MORC3: variants seen among roughly 807,000 people sequenced by gnomAD.
MORC3 encodes MORC family CW-type zinc finger 3, also known as MORC family CW-type zinc finger protein 3.
MORC3 carries 31 observed loss-of-function variants against 109.1 expected under a neutral mutation model. That is an observed-to-expected ratio of 0.28 (90% CI 0.21 to 0.38). The LOEUF (loss-of-function observed/expected upper bound fraction) is 0.38. Among genes scored for constraint, MORC3 ranks in the 10% least tolerant of loss-of-function variants. The pLI, the probability that MORC3 is intolerant of heterozygous loss-of-function variation, is 1.00. For missense variants in MORC3, 867 were observed against 1,135.8 expected, an observed-to-expected ratio of 0.76 and a Z score of 3.40; for synonymous variants, 395 against 380.7, an observed-to-expected ratio of 1.04 and a Z score of -0.44.
intron 1 of MORC3, among the ~76,000 whole-genome samples, chr21:36,331,426 G>A (rs1262593960): frequency 2.0e-5 from 3 of 151,600 alleles, no homozygotes; most frequent in African/African-American, 4.9e-5. Context: ...GTGAAACCCC[G>A]TCTCTACTAA....
chr21:36,369,976 C>T lies in MORC3; in HGVS notation c.2508+100C>T, dbSNP rs372060304. 5.7e-5 allele frequency: 80 copies of T among 1,412,826 alleles called. No individual in the cohort carries two copies. In the East Asian group the frequency reaches 8.9e-4, roughly 16 times the overall value. 87.5% of individuals were successfully genotyped at this position (1,412,826 alleles called of 1,614,324 possible). On this transcript the variant is annotated intron_variant, in intron 15 of 16. Transcript: ENST00000400485. ...GCGCGGTGGCTCATACCTGTAATCC[C>T]ACCACTTGGGGAGGCCAAGGCGGGT...
chr21:36,367,632 C>T (rs2085796090), intron 14 of MORC3, among the ~76,000 whole-genome samples: 1 of 152,146 alleles, frequency 6.6e-6, no homozygotes, highest in Middle Eastern at 3.2e-3. Flanking sequence ...AACATAGCTG[C>T]CTTCCAGAAT....
At chr21:36,326,110 G>A (rs2085245160) in intron 1 of MORC3, among the ~76,000 whole-genome samples, 1 of 152,122 alleles carries the variant, frequency 6.6e-6, no homozygotes, top group Admixed American at 6.6e-5. Context: ...GGGAGGCTGA[G>A]GCGGGAGAAT....
chr21:36,374,158 C>T (rs932228958), intron 16 of MORC3, among the ~76,000 whole-genome samples: 7 of 152,160 alleles, frequency 4.6e-5, no homozygotes, highest in Admixed American at 6.5e-5. Flanking sequence ...TGCATAATCT[C>T]GGCTCACTGC....
At chr21:36,353,684 A>G (rs568600954) in intron 9 of MORC3, among the ~76,000 whole-genome samples, 8 of 149,768 alleles carry the variant, frequency 5.3e-5, no homozygotes, top group South Asian at 2.1e-4. Flanking sequence ...GGTTCAAGCA[A>G]TTCTCCCTAT....
chr21:36,349,269 A>C (rs1348665511), intron 8 of MORC3, 42 bp from the exon 9 acceptor site: 2 of 1,329,046 alleles, frequency 1.5e-6, no homozygotes, highest in Non-Finnish European at 2.1e-6. Context: ...TTTGAGCATC[A>C]TGTCTTATGC....
chr21:36,369,115 A>G lies in MORC3; in HGVS notation c.1747A>G (p.Asn583Asp), dbSNP rs185691798. The G allele has an allele frequency of 3.2e-5, 52 of 1,614,114 alleles. No individual in the cohort carries two copies. In the Admixed American group the frequency reaches 8.2e-4, roughly 25 times the overall value. The change falls in exon 15 of 17, where the codon AAC (asparagine) becomes GAC (aspartate). Residue 583 changes from asparagine to aspartate, a missense_variant. By Grantham distance (23) the Asn-to-Asp change is conservative. This residue lies in a region of MORC3 where 486 missense variants were observed against 502.1 expected (regional missense o/e 0.97). Coordinates refer to ENST00000400485, the MANE Select transcript of MORC3 (RefSeq NM_015358.3). Reference protein sequence around the residue: ...DDEDVIILEENSTPKPAVDHD... With the variant: ...DDEDVIILEEDSTPKPAVDHD... Reference sequence around the variant, plus strand: ...TGAAGATGTCATCATCTTAGAAGAAAACAGTACCCCCAAACCTGCAGTAGA... The same window carrying G: ...TGAAGATGTCATCATCTTAGAAGAAGACAGTACCCCCAAACCTGCAGTAGA...
chr21:36,373,288 C>T lies in MORC3; in HGVS notation c.2666+757C>T, dbSNP rs1420632561. ...CTAGGAGGTGGAGGTTGCAGTGAGC[C>T]GAGATTGCGCCACTGCACTCCAGCC... is the stretch of plus-strand genomic sequence containing the variant. On this transcript the variant is annotated intron_variant, in intron 16 of 16. Transcript: ENST00000400485. Among the ~76,000 whole-genome samples the T allele has an allele frequency of 2.6e-5, 4 of 151,474 alleles. No individual in the cohort carries two copies. In the East Asian group the frequency reaches 5.8e-4, roughly 22 times the overall value.
intron 1 of MORC3, chr21:36,320,752 C>G (rs145202610): frequency 6.0e-6 from 1 of 166,300 alleles, no homozygotes; most frequent in African/African-American, 2.4e-5. Flanking sequence ...TGCGGGCCTG[C>G]CTGCGGGCGA....
At chr21:36,368,469 T>C (rs2085805887) in intron 14 of MORC3, among the ~76,000 whole-genome samples, 1 of 152,214 alleles carries the variant, frequency 6.6e-6, no homozygotes, top group South Asian at 2.1e-4. Flanking sequence ...GAGATCTCAA[T>C]AGTCCATCGT....
At chr21:36,363,560 T>G (rs917818513) in intron 13 of MORC3, among the ~76,000 whole-genome samples, 1 of 152,258 alleles carries the variant, frequency 6.6e-6, no homozygotes, top group South Asian at 2.1e-4. Context: ...TGACAGTCTG[T>G]TTTATCATAA....
chr21:36,356,688 C>G lies in MORC3; in HGVS notation c.1172C>G (p.Thr391Arg). Residue 391 changes from threonine to arginine, a missense_variant, in exon 10 of 17, where the codon ACA becomes AGA. Transcript: ENST00000400485. ...YWNEMKVKKNTEYPLNLPVED... is the reference protein window; with the variant it reads ...YWNEMKVKKNREYPLNLPVED... ...AATGAAATGAAAGTGAAGAAAAATA[C>G]AGAATATCCTCTAAATTTGCCAGTT... 1 of 1,599,998 alleles carries G rather than the reference C, an allele frequency of 6.3e-7. No individual in the cohort carries two copies. Among genetic ancestry groups the G allele is most frequent in the South Asian group, 1.1e-5 (1 of 88,566 alleles).
chr21:36,358,135 C>T, intron 10 of MORC3, among the ~76,000 whole-genome samples: 1 of 152,014 alleles, frequency 6.6e-6, no homozygotes, highest in Non-Finnish European at 1.5e-5. Context: ...AATCCCAGCA[C>T]TTTGGGAGGC....
chr21:36,345,492 G>T (rs1008465307), intron 8 of MORC3, among the ~76,000 whole-genome samples: 2 of 151,854 alleles, frequency 1.3e-5, no homozygotes, highest in Non-Finnish European at 2.9e-5. Flanking sequence ...CGATATCTCG[G>T]CTCACTGCAG....
chr21:36,375,162 C>T lies in MORC3; in HGVS notation c.2686C>T (p.Arg896Ter). ...TTGCAGCCTCAAACTCCGATCTCTT[C>T]GAGTTAACGTAGGACAACTGCTGGC... ...DGESLKLRSL[R>*]VNVGQLLAMI... Residue 896 changes from arginine to a stop codon, truncating the protein, a stop_gained, in exon 17 of 17, where the codon CGA (arginine) becomes TGA (stop). Transcript: ENST00000400485. LOFTEE classifies it high-confidence loss of function. 2 of 1,612,884 alleles carry T rather than the reference C, an allele frequency of 1.2e-6. No individual in the cohort carries two copies. The highest frequency in any genetic ancestry group is 1.7e-6 in the Non-Finnish European group (2 of 1,179,642).
chr21:36,364,200 T>C lies in MORC3; in HGVS notation c.1560T>C (p.Tyr520=), dbSNP rs754662020. 15 of 1,614,062 alleles carry C rather than the reference T, an allele frequency of 9.3e-6. No homozygotes were observed. Among genetic ancestry groups the C allele is most frequent in the African/African-American group, 1.3e-5 (1 of 74,926 alleles). The change falls in exon 14 of 17, where the codon TAT becomes TAC. Residue 520 remains tyrosine (Y), a synonymous_variant. Transcript: ENST00000400485. ...RRHLSEGTNS[Y]ATRLLNNHQV... is the part of the protein sequence containing the mutation. ...ATCTTTCAGAAGGAACAAATTCTTATGCGACAAGACTTCTAAATAATCATC... is the reference window on the plus strand; with the variant it reads ...ATCTTTCAGAAGGAACAAATTCTTACGCGACAAGACTTCTAAATAATCATC...
chr21:36,367,731 A>G (rs2085798064), intron 14 of MORC3, among the ~76,000 whole-genome samples: 1 of 152,182 alleles, frequency 6.6e-6, no homozygotes, highest in Non-Finnish European at 1.5e-5. Flanking sequence ...GGATCATGAC[A>G]TTTTTTTAAC....
chr21:36,362,456 T>G (rs1436267891), intron 13 of MORC3, among the ~76,000 whole-genome samples: 1 of 151,860 alleles, frequency 6.6e-6, no homozygotes. Flanking sequence ...AACAGGAGAA[T>G]TGCTTGAACC....
intron 15 of MORC3, among the ~76,000 whole-genome samples, chr21:36,371,324 A>G (rs2085864234): frequency 6.6e-6 from 1 of 152,116 alleles, no homozygotes; most frequent in Admixed American, 6.5e-5. Context: ...CAAAATACAG[A>G]TGCTCCTCAA....
Sources: gnomAD v4.1 joint callset for allele counts (sites outside exome capture counted in the v4.1 genomes callset) on GRCh38, gnomAD v4.1.1 for gene constraint, gnomAD v4.1.1 regional missense constraint, MANE v1.5 for transcripts, NCBI Gene and HGNC (gene_info 2026-07-23, HGNC 2026-07-21) for gene names.